EIF4G1: variants seen among roughly 807,000 people sequenced by gnomAD.
The protein encoded by EIF4G1 is EIF4-gamma.
Under a neutral mutation model 187.8 loss-of-function variants are expected in EIF4G1, and 4 were observed. That is an observed-to-expected ratio of 0.02 (90% CI 0.01 to 0.05). The LOEUF (loss-of-function observed/expected upper bound fraction) is 0.05. Ranked by LOEUF, EIF4G1 falls within the 10% of genes least tolerant of loss-of-function variation. The pLI is 1.00. For missense variants in EIF4G1, 1,647 were observed against 2,081.1 expected (o/e 0.79, Z 4.06); for synonymous variants, 844 against 781.4 (o/e 1.08, Z -1.34).
At position 184,317,577 on chromosome 3, in the gene EIF4G1, T is replaced by C. The variant is rs565472852; in HGVS notation, c.324+80T>C. ...ACTCACCCTGACCCTCCAGTTCCAT[T>C]GCTTTTCCAGAGGTGGGACTTCCTT... On this transcript the variant is annotated intron_variant, in intron 5 of 32. Transcript: ENST00000346169. 11 of 1,582,628 alleles carry C rather than the reference T, an allele frequency of 7.0e-6. No individual in the cohort carries two copies. In the Admixed American group the frequency reaches 1.5e-4, roughly 22 times the overall value.
At chr3:184,319,647 C>T in intron 6 of EIF4G1, 42 bp from the exon 7 acceptor site, 1 of 1,300,632 alleles carries the variant, frequency 7.7e-7, no homozygotes. Flanking sequence ...ATGGTTGGGC[C>T]CTGACGCTAC....
chr3:184,324,208 T>C lies in EIF4G1; in HGVS notation c.2480T>C (p.Val827Ala). The change falls in exon 17 of 33, where the codon GTG becomes GCG. Residue 827 changes from valine to alanine, a missense_variant. Coordinates refer to ENST00000346169, the MANE Select transcript of EIF4G1 (RefSeq NM_198241.3). Reference protein sequence around the residue: ...NMCRCLMALKVPTTEKPTVTV... With the variant: ...NMCRCLMALKAPTTEKPTVTV... Reference sequence around the variant, plus strand: ...ATTCTCTCTGACCTACAGCTGAAAGTGCCCACTACGGAAAAGCCAACAGTG... The same window carrying C: ...ATTCTCTCTGACCTACAGCTGAAAGCGCCCACTACGGAAAAGCCAACAGTG... The C allele has an allele frequency of 6.2e-7, 1 of 1,614,228 alleles. No homozygotes were observed. The highest frequency in any genetic ancestry group is 8.5e-7 in the Non-Finnish European group (1 of 1,180,036).
intron 32 of EIF4G1, among the ~76,000 whole-genome samples, chr3:184,332,359 C>T (rs1392890278): frequency 6.6e-6 from 1 of 152,226 alleles, no homozygotes; most frequent in African/African-American, 2.4e-5. Flanking sequence ...ATAGGATCTT[C>T]CCAGTACCGT....
intron 28 of EIF4G1, 66 bp from the exon 29 acceptor site, chr3:184,331,197 TGTG>T: frequency 6.7e-7 from 1 of 1,502,538 alleles, no homozygotes; most frequent in Non-Finnish European, 9.3e-7. Flanking sequence ...GTTGGATTAA[TGTG>T]GTAGAGCTGT....
chr3:184,322,720 A>G lies in EIF4G1; in HGVS notation c.1785A>G (p.Glu595=). The G allele has an allele frequency of 6.2e-7, 1 of 1,614,252 alleles. No individual in the cohort carries two copies. The highest frequency in any genetic ancestry group is 8.5e-7 in the Non-Finnish European group (1 of 1,180,046). ...TCCAGCCCGGGGAACAGAAGTATGAATATAAGTCAGGTATGCTGAAGAAAG... is the reference window on the plus strand; with the variant it reads ...TCCAGCCCGGGGAACAGAAGTATGAGTATAAGTCAGGTATGCTGAAGAAAG... ...ENIQPGEQKY[E]YKSDQWKPLN... is the part of the protein sequence containing the mutation. The change falls in exon 12 of 33, where the codon GAA becomes GAG. Residue 595 remains glutamate (E), a synonymous_variant. Transcript: ENST00000346169.
chr3:184,334,887 G>C lies in EIF4G1; in HGVS notation c.4779G>C (p.Glu1593Asp). ...TAFFKWLREAEEESDHN is the reference protein window; with the variant it reads ...TAFFKWLREADEESDHN ...TCTTCAAGTGGCTCCGTGAAGCAGA[G>C]GAGGAGTCTGACCACAACTGAGGGC... Residue 1593 changes from glutamate (E) to aspartate (D), a missense_variant, in exon 33 of 33, where the codon GAG (glutamate) becomes GAC (aspartate). Around this residue, in one of 11 missense-constraint regions of EIF4G1, gnomAD observed 543 missense variants for 638.0 expected, o/e 0.85. Coordinates refer to ENST00000346169, the MANE Select transcript of EIF4G1 (RefSeq NM_198241.3). The surrounding 1 kb of genome is among the most constrained non-coding windows in gnomAD (Gnocchi z 5.8). 1.2e-6 allele frequency: 2 copies of C among 1,614,182 alleles called. No individual in the cohort carries two copies. Among genetic ancestry groups the C allele is most frequent in the Non-Finnish European group, 1.7e-6 (2 of 1,180,024 alleles).
chr3:184,326,749 G>C (rs1262766261), intron 22 of EIF4G1, 120 bp downstream of exon 22: 1 of 1,485,258 alleles, frequency 6.7e-7, no homozygotes, highest in Admixed American at 1.7e-5. Context: ...AATAGAGGAG[G>C]TTTGTGTTGT....
intron 4 of EIF4G1, chr3:184,316,872 T>C: frequency 1.1e-6 from 1 of 896,862 alleles, no homozygotes; most frequent in Non-Finnish European, 1.8e-6. Context: ...GGAGGCCGAG[T>C]GATGCATGTT....
In EIF4G1 at chr3:184,320,623, T is replaced by TC; in HGVS notation, c.538-3dup. On this transcript the variant is annotated splice_region_variant and splice_polypyrimidine_tract_variant and intron_variant, in intron 7 of 32. Coordinates refer to ENST00000346169, the MANE Select transcript of EIF4G1 (RefSeq NM_198241.3). ...TTCCCACTCATCTTATAGCTTTCTT[T>TC]CCCCAGATCCGAATTCGAGATCCAA... The TC allele has an allele frequency of 6.2e-7, 1 of 1,613,872 alleles. No individual in the cohort carries two copies. The highest frequency in any genetic ancestry group is 8.5e-7 in the Non-Finnish European group (1 of 1,179,932).
rs752957573 is a variant in EIF4G1, at chr3:184,331,724, A to G, written c.4396-4A>G. 6.2e-7 allele frequency: 1 copy of G among 1,614,180 alleles called. No homozygotes were observed. Among genetic ancestry groups the G allele is most frequent in the Admixed American group, 1.7e-5 (1 of 60,022 alleles). Reference sequence around the variant, plus strand: ...TCTGGGGATCATTTGTTTCTCCCATACAGGCCAACCTGAGTGAGCAGCAGA... The same window carrying G: ...TCTGGGGATCATTTGTTTCTCCCATGCAGGCCAACCTGAGTGAGCAGCAGA... On this transcript the variant is annotated splice_polypyrimidine_tract_variant and splice_region_variant and intron_variant, in intron 30 of 32. Coordinates refer to ENST00000346169, the MANE Select transcript of EIF4G1 (RefSeq NM_198241.3).
intron 7 of EIF4G1, 126 bp downstream of exon 7, chr3:184,319,927 G>T (rs943707521): frequency 2.6e-6 from 2 of 757,108 alleles, no homozygotes; most frequent in African/African-American, 3.5e-5. Context: ...GCAGAGAATG[G>T]TGTCTGTGGA....
At position 184,323,297 on chromosome 3, in the gene EIF4G1, G is replaced by GTGTC. The variant is rs1724227576; in HGVS notation, c.2088+58_2088+61dup. The GTGTC allele has an allele frequency of 6.2e-7, 1 of 1,612,362 alleles. No individual in the cohort carries two copies. The highest frequency in any genetic ancestry group is 1.1e-5 in the South Asian group (1 of 91,044). On this transcript the variant is annotated intron_variant, in intron 14 of 32. Coordinates refer to ENST00000346169, the MANE Select transcript of EIF4G1 (RefSeq NM_198241.3). This position sits in a 1 kb window ranked among gnomAD's most constrained non-coding sequence, Gnocchi z 6.9. ...GCAAGGAGTGGGAGTGGATGATTCCGTGTCTCAGTGCCCGCGGGGAGGGGT... is the reference window on the plus strand; with the variant it reads ...GCAAGGAGTGGGAGTGGATGATTCCGTGTCTGTCTCAGTGCCCGCGGGGAGGGGT...
At chr3:184,324,041 T>G in intron 16 of EIF4G1, 64 bp downstream of exon 16, 1 of 1,609,300 alleles carries the variant, frequency 6.2e-7, no homozygotes, top group African/African-American at 1.3e-5. Context: ...CAAGACTCCT[T>G]GAGTCCAGCT....
intron 9 of EIF4G1, 55 bp from the exon 10 acceptor site, chr3:184,321,227 C>A: frequency 2.5e-6 from 4 of 1,607,394 alleles, no homozygotes; most frequent in South Asian, 1.1e-5. Context: ...TGGGGAGGAA[C>A]AACAGCAGTT....
intron 4 of EIF4G1, 102 bp downstream of exon 4, chr3:184,316,320 C>T (rs562763428): frequency 2.1e-6 from 3 of 1,440,096 alleles, no homozygotes; most frequent in Admixed American, 4.0e-5. Flanking sequence ...CATACCTGGC[C>T]TTAATCCTCT....
chr3:184,327,827 C>T lies in EIF4G1; in HGVS notation c.3781-3C>T. The T allele has an allele frequency of 1.9e-6, 3 of 1,614,110 alleles. No individual in the cohort carries two copies. Among genetic ancestry groups the T allele is most frequent in the Non-Finnish European group, 2.5e-6 (3 of 1,180,032 alleles). On this transcript the variant is annotated splice_polypyrimidine_tract_variant and splice_region_variant and intron_variant, in intron 25 of 32. Transcript: ENST00000346169. ...TCTTCCTGCTGTGCCCTGCACCCCT[C>T]AGGAGGCAGTCCAGTGCGTGCAGGA...
At position 184,325,848 on chromosome 3, in the gene EIF4G1, C is replaced by T. The variant is rs114615711; in HGVS notation, c.3122-3C>T. 1.9e-3 allele frequency: 3,082 copies of T among 1,613,992 alleles called. 49 individuals are homozygous for T. The African/African-American group carries it at 0.035, about 18-fold the overall frequency. On this transcript the variant is annotated splice_region_variant and splice_polypyrimidine_tract_variant and intron_variant, in intron 20 of 32. Coordinates refer to ENST00000346169, the MANE Select transcript of EIF4G1 (RefSeq NM_198241.3). The surrounding 1 kb of genome is among the most constrained non-coding windows in gnomAD (Gnocchi z 5.2). ...TTCCAGTATGCCCCTCTTTTTGTGT[C>T]AGGCCGTGGACTTCCCCTTGTGGAT...
At chr3:184,329,243 T>A (rs1439190342) in intron 28 of EIF4G1, 1 of 528,858 alleles carries the variant, frequency 1.9e-6, no homozygotes, top group African/African-American at 1.9e-5. Context: ...ATTTATTCAT[T>A]CATTGAACTA....
chr3:184,315,693 C>A, intron 2 of EIF4G1, 70 bp from the exon 3 acceptor site: 1 of 1,206,504 alleles, frequency 8.3e-7, no homozygotes, highest in Non-Finnish European at 1.2e-6. Flanking sequence ...CTTGCATCAA[C>A]CCTTTCACCG....
Sources: allele counts gnomAD v4.1 joint callset (sites outside exome capture counted in the v4.1 genomes callset), GRCh38; gene constraint gnomAD v4.1.1; regional missense constraint gnomAD v4.1.1; non-coding constraint Gnocchi (gnomAD v3.1); transcripts MANE v1.5; gene names NCBI Gene and HGNC (gene_info 2026-07-23, HGNC 2026-07-21).